SIM2: variants seen among roughly 807,000 people sequenced by gnomAD.
SIM2 encodes SIM bHLH transcription factor 2, also known as single-minded homolog 2.
A neutral mutation model predicts 64.8 loss-of-function variants in SIM2; 28 were observed. That is an observed-to-expected ratio of 0.43 (90% CI 0.32 to 0.59). The LOEUF is 0.59. Among genes scored for constraint, SIM2 ranks in the 20% least tolerant of loss-of-function variants. SIM2 has a pLI of 0.07. For missense variants in SIM2, 847 were observed against 871.4 expected (o/e 0.97, Z 0.35); for synonymous variants, 408 against 391.1 (o/e 1.04, Z -0.51).
chr21:36,747,807 G>C lies in SIM2; in HGVS notation c.1719G>C (p.Leu573=), dbSNP rs574633811. The C allele has an allele frequency of 5.8e-4, 598 of 1,034,858 alleles. 13 individuals carry two copies. In the South Asian group the frequency reaches 0.021, roughly 36 times the overall value. 64.1% of individuals were successfully genotyped at this position (1,034,858 alleles called of 1,614,324 possible). The part of the protein sequence containing the change: ...QAARDGARLA[L]ARAAPECCAP... ...CCCGGGACGGGGCGCGGCTGGCGCT[G>C]GCCCGCGCGGCACCCGAGTGCTGCG... is the stretch of plus-strand genomic sequence containing the variant. Residue 573 remains leucine (L), a synonymous_variant, in exon 11 of 11, where the codon CTG becomes CTC. Coordinates refer to ENST00000290399, the MANE Select transcript of SIM2 (RefSeq NM_005069.6). This position sits in a 1 kb window ranked among gnomAD's most constrained non-coding sequence, Gnocchi z 4.5.
chr21:36,700,009 G>T, intron 1 of SIM2, 88 bp downstream of exon 1: 1 of 1,373,908 alleles, frequency 7.3e-7, no homozygotes, highest in Non-Finnish European at 9.8e-7. Context: ...GCCCAGAGGG[G>T]TTGCCGCGGC....
rs183297589 is a variant in SIM2 at position 36,738,333 on chromosome 21, C to T, written c.851-3384C>T. Among the ~76,000 whole-genome samples, 688 of 152,228 alleles carry T rather than the reference C, an allele frequency of 4.5e-3. 6 individuals carry two copies. Among genetic ancestry groups the T allele is most frequent in the East Asian group, 9.5e-3 (49 of 5,176 alleles). Reference sequence around the variant, plus strand: ...CAGCCTGGCCAACATAGTGAAACCCCGTCTCTACTAAACTACAAAAAATTA... The same window carrying T: ...CAGCCTGGCCAACATAGTGAAACCCTGTCTCTACTAAACTACAAAAAATTA... On this transcript the variant is annotated intron_variant, in intron 7 of 10. Transcript: ENST00000290399.
At chr21:36,702,102 A>G (rs1295003754) in intron 1 of SIM2, among the ~76,000 whole-genome samples, 2 of 152,118 alleles carry the variant, frequency 1.3e-5, no homozygotes, top group Non-Finnish European at 2.9e-5. Flanking sequence ...CCGCTCAGCC[A>G]CCTTTAAACC....
At chr21:36,741,975 G>T in intron 8 of SIM2, 111 bp downstream of exon 8, 26 of 1,122,576 alleles carry the variant, frequency 2.3e-5, no homozygotes, top group South Asian at 7.7e-5. Context: ...CTGTTCATTT[G>T]TCTTCTGTTT....
At chr21:36,706,555 C>T (rs1311120658) in intron 1 of SIM2, among the ~76,000 whole-genome samples, 1 of 152,266 alleles carries the variant, frequency 6.6e-6, no homozygotes, top group Admixed American at 6.5e-5. Flanking sequence ...GGACCACGTG[C>T]TCAGTGCCTC....
chr21:36,705,077 G>T (rs952934698), intron 1 of SIM2, among the ~76,000 whole-genome samples: 2 of 152,170 alleles, frequency 1.3e-5, no homozygotes, highest in African/African-American at 4.8e-5. Flanking sequence ...CCCTCCTTAC[G>T]CCCTGGCACA....
intron 3 of SIM2, 42 bp downstream of exon 3, chr21:36,712,664 G>A (rs370793667): frequency 1.7e-5 from 23 of 1,342,138 alleles, no homozygotes; most frequent in East Asian, 6.9e-5. Context: ...AATATTAAAC[G>A]AAGTGACAGC....
chr21:36,715,373 C>T (rs1025338663), intron 3 of SIM2, among the ~76,000 whole-genome samples: 2 of 151,928 alleles, frequency 1.3e-5, no homozygotes, highest in Admixed American at 6.6e-5. Flanking sequence ...ATTTTTGCAC[C>T]TTTTAGATTA....
At chr21:36,701,077 C>T (rs1250828159) in intron 1 of SIM2, among the ~76,000 whole-genome samples, 1 of 152,232 alleles carries the variant, frequency 6.6e-6, no homozygotes, top group African/African-American at 2.4e-5. Flanking sequence ...TCGCTGCGGC[C>T]TGGCCCGAAG....
At chr21:36,730,723 T>C (rs574904274) in intron 6 of SIM2, among the ~76,000 whole-genome samples, 18 of 152,332 alleles carry the variant, frequency 1.2e-4, no homozygotes, top group African/African-American at 4.1e-4. Context: ...AGCAGCTTTC[T>C]CGCAATATCA....
At position 36,748,897 on chromosome 21, in the gene SIM2, A is replaced by G. The variant is rs555655648; in HGVS notation, c.*805A>G. The stretch of plus-strand genomic sequence containing the variant: ...AATGACCCTGTCAAGCTTCATTATT[A>G]CGTGGCAAAATCCCTCTGGCCCACA... On this transcript the variant is annotated 3_prime_UTR_variant, in exon 11 of 11. Coordinates refer to ENST00000290399, the MANE Select transcript of SIM2 (RefSeq NM_005069.6). 2.6e-4 allele frequency: 39 copies of G among 152,784 alleles called. No homozygotes were observed. Among genetic ancestry groups the G allele is most frequent in the African/African-American group, 8.9e-4 (37 of 41,590 alleles). The allele number at this position is 152,784 out of a possible 1,614,324, so 9.5% of individuals were successfully genotyped here. A position where few individuals can be genotyped will look rare whatever the true frequency, so the allele number is the denominator to read the frequency against.
chr21:36,709,665 T>G (rs1428955912), intron 2 of SIM2: 1 of 356,872 alleles, frequency 2.8e-6, no homozygotes, highest in Non-Finnish European at 5.4e-6. Flanking sequence ...CCGCTGTGTG[T>G]GTGCAAGGGG....
chr21:36,708,945 G>T (rs1044344856), intron 1 of SIM2, among the ~76,000 whole-genome samples: 48 of 152,314 alleles, frequency 3.2e-4, no homozygotes, highest in African/African-American at 1.2e-3. Context: ...CCGGGCTGCC[G>T]GCCGCTGCGG....
At chr21:36,709,616 C>T (rs2088646881) in intron 2 of SIM2, 1 of 399,072 alleles carries the variant, frequency 2.5e-6, no homozygotes, top group African/African-American at 2.1e-5. Context: ...GCTGGAGCAG[C>T]AGAAATGATT....
chr21:36,702,178 C>A (rs542050297), intron 1 of SIM2, among the ~76,000 whole-genome samples: 1 of 152,224 alleles, frequency 6.6e-6, no homozygotes, highest in South Asian at 2.1e-4. Context: ...TGCTGGGCCC[C>A]GAGTTTGGGC....
At chr21:36,704,259 T>A (rs2088547506) in intron 1 of SIM2, among the ~76,000 whole-genome samples, 1 of 152,308 alleles carries the variant, frequency 6.6e-6, no homozygotes, top group Admixed American at 6.5e-5. Flanking sequence ...AGCGACTTGA[T>A]TTGGAGAGTT....
chr21:36,730,890 C>T (rs1230468516), intron 6 of SIM2, among the ~76,000 whole-genome samples, 155 bp from the exon 7 acceptor site: 1 of 152,234 alleles, frequency 6.6e-6, no homozygotes, highest in Non-Finnish European at 1.5e-5. Context: ...AGTTCAAAGA[C>T]TTGCTTCTTG....
At chr21:36,706,686 G>T (rs145702958) in intron 1 of SIM2, among the ~76,000 whole-genome samples, 2 of 152,012 alleles carry the variant, frequency 1.3e-5, no homozygotes, top group African/African-American at 2.4e-5. Flanking sequence ...AAAAAACCTC[G>T]CCCGCATTGG....
At chr21:36,746,130 C>A in intron 10 of SIM2, 1 of 335,588 alleles carries the variant, frequency 3.0e-6, no homozygotes, top group Non-Finnish European at 4.8e-6. Context: ...AGCCTGCCAA[C>A]AAGCTGAAAC....
Sources: allele counts gnomAD v4.1 joint callset (sites outside exome capture counted in the v4.1 genomes callset), GRCh38; gene constraint gnomAD v4.1.1; non-coding constraint Gnocchi (gnomAD v3.1); transcripts MANE v1.5; gene names NCBI Gene and HGNC (gene_info 2026-07-23, HGNC 2026-07-21).